Variants in ANKS1A observed in about 807,000 individuals in gnomAD.
ANKS1A encodes the protein ankyrin repeat and SAM domain-containing protein 1A.
In ANKS1A, 55 loss-of-function variants were observed where a neutral mutation model predicts 120.3. The observed-to-expected ratio is 0.46, with a 90% confidence interval of 0.37 to 0.57. The LOEUF is 0.57. ANKS1A is among the 20% of genes least tolerant of loss of function. ANKS1A has a pLI of 0.00. For synonymous variants in ANKS1A, 590 were observed against 604.7 expected (o/e 0.98, Z 0.36); for missense variants, 1,123 against 1,480.3 (o/e 0.76, Z 3.96).
chr6:35,043,228 C>G (rs1376688262), intron 11 of ANKS1A, among the ~76,000 whole-genome samples: 1 of 152,198 alleles, frequency 6.6e-6, no homozygotes, highest in Non-Finnish European at 1.5e-5. Flanking sequence ...ATTTGACTTG[C>G]GTGAGGTAAC....
intron 7 of ANKS1A, among the ~76,000 whole-genome samples, chr6:34,983,754 C>T (rs1772035989): frequency 6.6e-6 from 1 of 151,628 alleles, no homozygotes; most frequent in Admixed American, 6.6e-5. Context: ...CACATAATCA[C>T]AATCTAGTGC....
At chr6:34,955,807 C>T (rs891070121) in intron 1 of ANKS1A, among the ~76,000 whole-genome samples, 18 of 152,186 alleles carry the variant, frequency 1.2e-4, no homozygotes, top group African/African-American at 4.3e-4. Context: ...GTCATTTCAC[C>T]TCAGAATTTT....
chr6:34,943,717 A>C (rs1769643229), intron 1 of ANKS1A, among the ~76,000 whole-genome samples: 1 of 152,172 alleles, frequency 6.6e-6, no homozygotes, highest in South Asian at 2.1e-4. Flanking sequence ...TTCACCTAAC[A>C]ATATGCATTT....
intron 8 of ANKS1A, among the ~76,000 whole-genome samples, chr6:34,986,067 G>C (rs954985118): frequency 1.1e-4 from 16 of 152,184 alleles, no homozygotes; most frequent in African/African-American, 3.6e-4. Context: ...TATTGCATGA[G>C]CCTACAATTG....
Position 35,084,027 on chromosome 6 carries a change from G to C in ANKS1A, c.2995-94G>C. 6.4e-7 allele frequency: 1 copy of C among 1,554,254 alleles called. No individual in the cohort carries two copies. The highest frequency in any genetic ancestry group is 8.8e-7 in the Non-Finnish European group (1 of 1,140,346). Reference sequence around the variant, plus strand: ...GGGTTTGCTTGATGCTCTAGGCTGGGACAGAGAACAGTGACAATGGTAACA... The same window carrying C: ...GGGTTTGCTTGATGCTCTAGGCTGGCACAGAGAACAGTGACAATGGTAACA... On this transcript the variant is annotated intron_variant, in intron 20 of 23. Coordinates refer to ENST00000360359, the MANE Select transcript of ANKS1A (RefSeq NM_015245.3). The surrounding 1 kb of genome is among the most constrained non-coding windows in gnomAD (Gnocchi z 4.8).
At chr6:35,015,010 C>T (rs547481461) in intron 10 of ANKS1A, among the ~76,000 whole-genome samples, 60 of 152,292 alleles carry the variant, frequency 3.9e-4, no homozygotes, top group African/African-American at 1.4e-3. Flanking sequence ...ATGTAATATT[C>T]GTAGCCATGA....
At chr6:34,937,303 T>G (rs1160973825) in intron 1 of ANKS1A, among the ~76,000 whole-genome samples, 5 of 151,686 alleles carry the variant, frequency 3.3e-5, no homozygotes, top group Non-Finnish European at 7.4e-5. Context: ...AGACCTCATC[T>G]TAAAAAAATA....
Position 35,090,518 on chromosome 6 carries a change from A to G in ANKS1A, c.*1909A>G. 3 of 1,053,552 alleles carry G rather than the reference A, an allele frequency of 2.8e-6. No individual in the cohort carries two copies. The highest frequency in any genetic ancestry group is 3.4e-6 in the Non-Finnish European group (3 of 870,550). 65.3% of individuals were successfully genotyped at this position (1,053,552 alleles called of 1,614,324 possible). A position where few individuals can be genotyped will look rare whatever the true frequency, so the allele number is the denominator to read the frequency against. ...TGCTTGAAGCTGCTATATCATCTTTATTTATTCAGGGTATTTTCATATTGG... is the reference window on the plus strand; with the variant it reads ...TGCTTGAAGCTGCTATATCATCTTTGTTTATTCAGGGTATTTTCATATTGG... On this transcript the variant is annotated 3_prime_UTR_variant, in exon 24 of 24. Coordinates refer to ENST00000360359, the MANE Select transcript of ANKS1A (RefSeq NM_015245.3).
intron 2 of ANKS1A, 87 bp downstream of exon 2, chr6:34,967,406 G>A (rs1770950546): frequency 7.2e-7 from 1 of 1,395,918 alleles, no homozygotes; most frequent in Non-Finnish European, 1.0e-6. Context: ...AAAGTTTGCT[G>A]GCTGAGCTTA....
At chr6:34,970,665 T>C (rs981573509) in intron 3 of ANKS1A, among the ~76,000 whole-genome samples, 3 of 152,150 alleles carry the variant, frequency 2.0e-5, no homozygotes, top group African/African-American at 7.2e-5. Context: ...CCTGCAAAAT[T>C]GCATGGAGTC....
intron 1 of ANKS1A, among the ~76,000 whole-genome samples, chr6:34,934,501 CTT>C (rs1461682326): frequency 2.6e-5 from 4 of 152,200 alleles, no homozygotes; most frequent in African/African-American, 4.8e-5. Context: ...TCACTGAAGT[CTT>C]TTGAGCTTGC....
chr6:35,000,480 G>T (rs1773108674), intron 10 of ANKS1A, among the ~76,000 whole-genome samples: 2 of 151,376 alleles, frequency 1.3e-5, no homozygotes, highest in Non-Finnish European at 2.9e-5. Flanking sequence ...AAAAAGAATG[G>T]TTATCTTCAA....
At chr6:35,008,215 C>T (rs771834456) in intron 10 of ANKS1A, among the ~76,000 whole-genome samples, 1 of 116,330 alleles carries the variant, frequency 8.6e-6, no homozygotes, top group African/African-American at 2.9e-5. Context: ...CCTCTTCTCT[C>T]GCCATCTTTT....
chr6:35,087,852 T>G (rs820103), intron 23 of ANKS1A, among the ~76,000 whole-genome samples: 28,026 of 152,106 alleles, frequency 0.18, 3,264 homozygotes, highest in African/African-American at 0.31. Flanking sequence ...TCCAAGGAGG[T>G]GGGTGGCATG....
chr6:35,063,333 C>T (rs1027188440), intron 13 of ANKS1A, among the ~76,000 whole-genome samples: 6 of 152,208 alleles, frequency 3.9e-5, no homozygotes, highest in Non-Finnish European at 8.8e-5. Flanking sequence ...ATTTAATCAG[C>T]ACGGAAGGAA....
intron 1 of ANKS1A, among the ~76,000 whole-genome samples, chr6:34,911,458 G>A (rs1303896479): frequency 6.6e-6 from 1 of 152,158 alleles, no homozygotes; most frequent in Non-Finnish European, 1.5e-5. Flanking sequence ...ATAACAGTGG[G>A]GGGGATCCTT....
intron 13 of ANKS1A, among the ~76,000 whole-genome samples, chr6:35,066,895 C>CAG (rs1251756682): frequency 6.6e-6 from 1 of 152,136 alleles, no homozygotes; most frequent in Non-Finnish European, 1.5e-5. Context: ...AGAGTCCTGG[C>CAG]AGAGCAGATG....
chr6:34,898,355 A>G (rs1284002597), intron 1 of ANKS1A, among the ~76,000 whole-genome samples: 1 of 152,176 alleles, frequency 6.6e-6, no homozygotes, highest in Non-Finnish European at 1.5e-5. Flanking sequence ...GGGGCCAGAT[A>G]TGTTTTCAGG....
At chr6:34,948,738 G>T (rs912536031) in intron 1 of ANKS1A, among the ~76,000 whole-genome samples, 18 of 152,134 alleles carry the variant, frequency 1.2e-4, no homozygotes, top group African/African-American at 4.1e-4. Flanking sequence ...ATAGGAAAAT[G>T]ATTCTGAGCT....
Sources: gnomAD v4.1 joint callset for allele counts (sites outside exome capture counted in the v4.1 genomes callset) on GRCh38, gnomAD v4.1.1 for gene constraint, Gnocchi (gnomAD v3.1) non-coding constraint, MANE v1.5 for transcripts, NCBI Gene and HGNC (gene_info 2026-07-23, HGNC 2026-07-21) for gene names.